The following BRPF1 variants were observed in gnomAD, a reference collection of about 807,000 sequenced individuals.
BRPF1 encodes peregrin.
Under a neutral mutation model 115.0 loss-of-function variants are expected in BRPF1, and 15 were observed. The ratio of observed to expected loss-of-function variants is 0.13; its 90% CI spans 0.09 to 0.20. The LOEUF is 0.20. Among genes scored for constraint, BRPF1 ranks in the 10% least tolerant of loss-of-function variants. The pLI is 1.00. For missense variants in BRPF1, 1,118 were observed against 1,638.3 expected, an observed-to-expected ratio of 0.68 and a Z score of 5.48; for synonymous variants, 647 against 619.8, an observed-to-expected ratio of 1.04 and a Z score of -0.65.
chr3:9,732,584 T>C (rs895925277), intron 1 of BRPF1: 1 of 152,326 alleles, frequency 6.6e-6, no homozygotes, highest in African/African-American at 2.4e-5. Flanking sequence ...GGGAGATTGC[T>C]GATTCGCTGT....
Position 9,747,314 on chromosome 3 carries a change from G to A in BRPF1, c.3628G>A (p.Gly1210Ser). ...RALQHRSKVQ[G>S]EQSSETSDSD ...TCTGCAGCACCGCAGCAAGGTGCAA[G>A]GCGAGCAGAGCAGTGAGACCAGCGA... Residue 1210 changes from glycine (G) to serine (S), a missense_variant, in exon 14 of 14, where the codon GGC (glycine) becomes AGC (serine). Gly to Ser is a moderately conservative substitution (Grantham distance 56). This residue lies in a region of BRPF1 where 76 missense variants were observed against 166.1 expected (regional missense o/e 0.46). Coordinates refer to ENST00000383829, the MANE Select transcript of BRPF1 (RefSeq NM_001003694.2). This position sits in a 1 kb window ranked among gnomAD's most constrained non-coding sequence, Gnocchi z 5.6. 6.2e-7 allele frequency: 1 copy of A among 1,614,238 alleles called. No homozygotes were observed. The highest frequency in any genetic ancestry group is 8.5e-7 in the Non-Finnish European group (1 of 1,180,050).
At position 9,734,130 on chromosome 3, in the gene BRPF1, G is replaced by T; in HGVS notation, c.-10-1G>T. ...TATGTTAACTGATCTGTGTATTCTA[G>T]ATGTGACAGCATGGGGGTGGACTTT... On this transcript the variant is annotated splice_acceptor_variant, in intron 1 of 13. Coordinates refer to ENST00000383829, the MANE Select transcript of BRPF1 (RefSeq NM_001003694.2). LOFTEE classifies it low-confidence loss of function (5UTR_SPLICE). The surrounding 1 kb of genome is among the most constrained non-coding windows in gnomAD (Gnocchi z 5.7). 6.3e-7 allele frequency: 1 copy of T among 1,592,056 alleles called. No homozygotes were observed. The highest frequency in any genetic ancestry group is 1.1e-5 in the South Asian group (1 of 87,688).
intron 2 of BRPF1, among the ~76,000 whole-genome samples, chr3:9,736,549 C>G (rs1273959733): frequency 6.6e-6 from 1 of 152,184 alleles, no homozygotes; most frequent in Non-Finnish European, 1.5e-5. Flanking sequence ...CCCTCCCTCC[C>G]AATGGCCCTT....
chr3:9,743,389 C>T lies in BRPF1; in HGVS notation c.2311+136C>T. ...CAGTGGCAAGCTATCCCCAGGAATG[C>T]TCCCCAAGAAGCCAGACTGGGTGAA... On this transcript the variant is annotated intron_variant, in intron 7 of 13. Coordinates refer to ENST00000383829, the MANE Select transcript of BRPF1 (RefSeq NM_001003694.2). This position sits in a 1 kb window ranked among gnomAD's most constrained non-coding sequence, Gnocchi z 6.1. The T allele has an allele frequency of 1.5e-6, 2 of 1,305,352 alleles. No individual in the cohort carries two copies. The highest frequency in any genetic ancestry group is 2.1e-6 in the Non-Finnish European group (2 of 961,152). The allele number at this position is 1,305,352 out of a possible 1,614,324, so 80.9% of individuals were successfully genotyped here.
rs752053592 is a variant in BRPF1 at position 9,747,287 on chromosome 3, G to A, written c.3601G>A (p.Ala1201Thr). 2 of 1,614,200 alleles carry A rather than the reference G, an allele frequency of 1.2e-6. No individual in the cohort carries two copies. The highest frequency in any genetic ancestry group is 1.7e-6 in the Non-Finnish European group (2 of 1,180,046). Residue 1201 changes from alanine to threonine, a missense_variant, in exon 14 of 14, where the codon GCT becomes ACT. Physicochemically the swap from Ala to Thr is moderately conservative, Grantham distance 58. Coordinates refer to ENST00000383829, the MANE Select transcript of BRPF1 (RefSeq NM_001003694.2). This position sits in a 1 kb window ranked among gnomAD's most constrained non-coding sequence, Gnocchi z 5.6. ...GTCAGTACAGATCGCCTACCACAGG[G>A]CTCTGCAGCACCGCAGCAAGGTGCA... is the stretch of plus-strand genomic sequence containing the variant. ...RKSVQIAYHR[A>T]LQHRSKVQGE...
chr3:9,744,610 C>A, intron 9 of BRPF1, 102 bp downstream of exon 9: 1 of 908,204 alleles, frequency 1.1e-6, no homozygotes, highest in Non-Finnish European at 1.6e-6. Flanking sequence ...AAAGAGCGAG[C>A]TAGAAGGGTC....
chr3:9,740,403 G>C (rs1293557458), intron 3 of BRPF1, among the ~76,000 whole-genome samples: 1 of 152,178 alleles, frequency 6.6e-6, no homozygotes, highest in Non-Finnish European at 1.5e-5. Flanking sequence ...CCGTTTATTT[G>C]ATTTACTATA....
At position 9,739,757 on chromosome 3, in the gene BRPF1, C is replaced by T. The variant is rs1371916453; in HGVS notation, c.1358C>T (p.Ala453Val). 1 of 1,614,200 alleles carries T rather than the reference C, an allele frequency of 6.2e-7. No individual in the cohort carries two copies. The highest frequency in any genetic ancestry group is 2.2e-5 in the East Asian group (1 of 44,886). Residue 453 changes from alanine to valine, a missense_variant, in exon 3 of 14, where the codon GCA (alanine) becomes GTA (valine). This residue lies in a region of BRPF1 where 87 missense variants were observed against 93.4 expected (regional missense o/e 0.93). Transcript: ENST00000383829. The part of the protein sequence containing the change: ...YCDIHTPPGS[A>V]RRLPALSHSE... ...GACATCCACACGCCTCCAGGTTCAGCACGCCGACTGCCTGCCCTGTCCCAC... is the reference window on the plus strand; with the variant it reads ...GACATCCACACGCCTCCAGGTTCAGTACGCCGACTGCCTGCCCTGTCCCAC...
intron 5 of BRPF1, 116 bp from the exon 6 acceptor site, chr3:9,741,909 C>T: frequency 1.6e-6 from 2 of 1,218,450 alleles, no homozygotes; most frequent in South Asian, 2.9e-5. Context: ...ATGAGTACAC[C>T]CAGCTGTGAG....
chr3:9,734,190 C>G lies in BRPF1; in HGVS notation c.50C>G (p.Thr17Ser), dbSNP rs1230475457. The stretch of plus-strand genomic sequence containing the variant: ...ACTTTCTGCCACAACTTGCGGGCGA[C>G]TAAGCCACCATACGAGTGCCCGGTG... ...VKTFCHNLRA[T>S]KPPYECPVET... is the part of the protein sequence containing the mutation. The change falls in exon 2 of 14, where the codon ACT (threonine) becomes AGT (serine). Residue 17 changes from threonine (T) to serine (S), a missense_variant. This residue lies in a region of BRPF1 where 280 missense variants were observed against 382.8 expected (regional missense o/e 0.73). Coordinates refer to ENST00000383829, the MANE Select transcript of BRPF1 (RefSeq NM_001003694.2). The surrounding 1 kb of genome is among the most constrained non-coding windows in gnomAD (Gnocchi z 5.7). The G allele has an allele frequency of 1.2e-6, 2 of 1,613,370 alleles. No individual in the cohort carries two copies. The highest frequency in any genetic ancestry group is 1.7e-6 in the Non-Finnish European group (2 of 1,179,518).
rs2077138893 is a variant in BRPF1, at chr3:9,747,005, G to A, written c.3480-161G>A. Reference sequence around the variant, plus strand: ...ACCACACAGTATAACTGTTGACTGGGCTCTTTCATCTCTAGACCATGAACA... The same window carrying A: ...ACCACACAGTATAACTGTTGACTGGACTCTTTCATCTCTAGACCATGAACA... On this transcript the variant is annotated intron_variant, in intron 13 of 13. Coordinates refer to ENST00000383829, the MANE Select transcript of BRPF1 (RefSeq NM_001003694.2). This position sits in a 1 kb window ranked among gnomAD's most constrained non-coding sequence, Gnocchi z 5.6. 6.6e-6 allele frequency among the ~76,000 whole-genome samples: 1 copy of A among 152,148 alleles called. No homozygotes were observed. Among genetic ancestry groups the A allele is most frequent in the South Asian group, 2.1e-4 (1 of 4,832 alleles).
chr3:9,740,053 A>G lies in BRPF1; in HGVS notation c.1559+95A>G, dbSNP rs142566543. On this transcript the variant is annotated intron_variant, in intron 3 of 13. Transcript: ENST00000383829. ...CTGAGTGGAATGGCAGGGCTGGGCT[A>G]TCTTCCCAGGAGCTGCATAGAAGTT... 366 of 1,445,062 alleles carry G rather than the reference A, an allele frequency of 2.5e-4. 2 individuals carry two copies. In the African/African-American group the frequency reaches 4.8e-3, roughly 19 times the overall value. The allele number at this position is 1,445,062 out of a possible 1,614,324, so 89.5% of individuals were successfully genotyped here. A position where few individuals can be genotyped will look rare whatever the true frequency, so the allele number is the denominator to read the frequency against.
At position 9,743,375 on chromosome 3, in the gene BRPF1, T is replaced by C; in HGVS notation, c.2311+122T>C. 7.3e-7 allele frequency: 1 copy of C among 1,363,212 alleles called. No individual in the cohort carries two copies. The highest frequency in any genetic ancestry group is 1.5e-5 in the African/African-American group (1 of 68,566). 84.4% of individuals were successfully genotyped at this position (1,363,212 alleles called of 1,614,324 possible). A position where few individuals can be genotyped will look rare whatever the true frequency, so the allele number is the denominator to read the frequency against. On this transcript the variant is annotated intron_variant, in intron 7 of 13. Coordinates refer to ENST00000383829, the MANE Select transcript of BRPF1 (RefSeq NM_001003694.2). This position sits in a 1 kb window ranked among gnomAD's most constrained non-coding sequence, Gnocchi z 6.1. ...GCAGCTAGGCTGAGCAGTGGCAAGC[T>C]ATCCCCAGGAATGCTCCCCAAGAAG...
chr3:9,742,809 C>T, intron 6 of BRPF1, 135 bp from the exon 7 acceptor site: 1 of 1,007,208 alleles, frequency 9.9e-7, no homozygotes, highest in South Asian at 1.7e-5. Context: ...TTTCCTTTCC[C>T]CTGTGCTATA....
intron 2 of BRPF1, among the ~76,000 whole-genome samples, chr3:9,735,233 G>GAATTCCTGGAC (rs2076920817): frequency 6.6e-6 from 1 of 152,010 alleles, no homozygotes; most frequent in South Asian, 2.1e-4. Context: ...GGCTAGTCTT[G>GAATTCCTGGAC]AATTCCTGGA....
chr3:9,741,852 G>A (rs1170251896), intron 5 of BRPF1, among the ~76,000 whole-genome samples, 173 bp from the exon 6 acceptor site: 1 of 152,164 alleles, frequency 6.6e-6, no homozygotes, highest in African/African-American at 2.4e-5. Context: ...AGCCAGAATT[G>A]TTGGTGCAAG....
Position 9,739,493 on chromosome 3 carries a change from C to T in BRPF1, c.1094C>T (p.Thr365Met), listed in dbSNP as rs769006125. 6.2e-7 allele frequency: 1 copy of T among 1,613,610 alleles called. No individual in the cohort carries two copies. The highest frequency in any genetic ancestry group is 8.5e-7 in the Non-Finnish European group (1 of 1,179,620). ...LWIPEVCFAN[T>M]VFLEPIDSIE... ...ATCCCTGAGGTCTGCTTCGCCAACA[C>T]GGTCTTCCTAGAGCCTATTGACAGC... The change falls in exon 3 of 14, where the codon ACG becomes ATG. Residue 365 changes from threonine to methionine, a missense_variant. This residue lies in a region of BRPF1 where 64 missense variants were observed against 172.8 expected (regional missense o/e 0.37). Coordinates refer to ENST00000383829, the MANE Select transcript of BRPF1 (RefSeq NM_001003694.2).
intron 2 of BRPF1, among the ~76,000 whole-genome samples, chr3:9,736,686 G>A (rs1253500008): frequency 6.6e-6 from 1 of 152,198 alleles, no homozygotes; most frequent in African/African-American, 2.4e-5. Flanking sequence ...GTTCTCAGCA[G>A]GTACACTGCA....
In BRPF1 at chr3:9,739,686, A is replaced by T; in HGVS notation, c.1287A>T (p.Thr429=). Residue 429 remains threonine, a synonymous_variant, in exon 3 of 14, where the codon ACA becomes ACT. Coordinates refer to ENST00000383829, the MANE Select transcript of BRPF1 (RefSeq NM_001003694.2). ...TGAAGATGGAGCCTGTGCGGGAGAC[A>T]GGCGCCAACGGCACCTCTTTCAGTG... is the stretch of plus-strand genomic sequence containing the variant. The part of the protein sequence containing the change: ...LYMKMEPVRE[T]GANGTSFSVR... 6.2e-7 allele frequency: 1 copy of T among 1,613,286 alleles called. No individual in the cohort carries two copies. Among genetic ancestry groups the T allele is most frequent in the South Asian group, 1.1e-5 (1 of 91,088 alleles).
Sources: allele counts gnomAD v4.1 joint callset (sites outside exome capture counted in the v4.1 genomes callset), GRCh38; gene constraint gnomAD v4.1.1; regional missense constraint gnomAD v4.1.1; non-coding constraint Gnocchi (gnomAD v3.1); transcripts MANE v1.5; gene names NCBI Gene and HGNC (gene_info 2026-07-23, HGNC 2026-07-21).